The following GMDS variants were observed in gnomAD, a reference collection of about 807,000 sequenced individuals.
The protein encoded by GMDS is GDP-mannose 4,6-dehydratase.
A neutral mutation model predicts 49.9 loss-of-function variants in GMDS; 20 were observed. The ratio of observed to expected loss-of-function variants is 0.40; its 90% CI spans 0.28 to 0.58. The LOEUF (loss-of-function observed/expected upper bound fraction) is 0.58, where lower values mean the gene tolerates loss of function less well. GMDS is among the 20% of genes least tolerant of loss of function. The pLI, the probability that GMDS is intolerant of heterozygous loss-of-function variation, is 0.42. For synonymous variants in GMDS, 177 were observed against 178.6 expected (o/e 0.99, Z 0.07); for missense variants, 362 against 481.4 (o/e 0.75, Z 2.32).
chr6:2,066,854 A>C (rs569250533), intron 4 of GMDS, among the ~76,000 whole-genome samples: 4,403 of 151,846 alleles, frequency 0.029, 206 homozygotes, highest in African/African-American at 0.1. Flanking sequence ...AGACAGATCA[A>C]CGAGACAGAA....
chr6:2,175,614 C>T (rs1483800242), intron 1 of GMDS, among the ~76,000 whole-genome samples: 1 of 152,152 alleles, frequency 6.6e-6, no homozygotes, highest in Non-Finnish European at 1.5e-5. Flanking sequence ...TTTAACTTTC[C>T]AGTCATGCTC....
intron 4 of GMDS, among the ~76,000 whole-genome samples, chr6:2,017,023 AAGC>A (rs1767944961): frequency 6.6e-6 from 1 of 152,178 alleles, no homozygotes; most frequent in Non-Finnish European, 1.5e-5. Flanking sequence ...ATCCCCAAGT[AAGC>A]AGAAGAAAAG....
chr6:1,927,982 G>A (rs540712301), intron 7 of GMDS, among the ~76,000 whole-genome samples: 5 of 152,200 alleles, frequency 3.3e-5, no homozygotes, highest in African/African-American at 1.2e-4. Context: ...TTAGATTTCC[G>A]AATCCTTTTT....
At chr6:2,179,311 A>G (rs1370915774) in intron 1 of GMDS, among the ~76,000 whole-genome samples, 3 of 152,302 alleles carry the variant, frequency 2.0e-5, no homozygotes, top group Non-Finnish European at 1.5e-5. Flanking sequence ...CAAAAAAAAA[A>G]TATTTTAGGG....
intron 4 of GMDS, among the ~76,000 whole-genome samples, chr6:1,992,601 T>C (rs1395742077): frequency 5.9e-5 from 9 of 152,230 alleles, no homozygotes. Flanking sequence ...ACTCAAATGT[T>C]GCCTTCCACA....
intron 7 of GMDS, among the ~76,000 whole-genome samples, chr6:1,837,226 T>C (rs1322778250): frequency 6.6e-6 from 1 of 152,220 alleles, no homozygotes; most frequent in Non-Finnish European, 1.5e-5. Flanking sequence ...CTTAAATGTT[T>C]ATTATAATTG....
intron 6 of GMDS, chr6:1,951,962 G>A (rs1027525768): frequency 1.0e-6 from 1 of 983,390 alleles, no homozygotes; most frequent in African/African-American, 1.7e-5. Flanking sequence ...GTGTCACAGG[G>A]GTTTCTTTGC....
chr6:1,784,390 CAAAAAAAAAAAAAA>C (rs780517217), intron 7 of GMDS, among the ~76,000 whole-genome samples: 2 of 40,494 alleles, frequency 4.9e-5, no homozygotes, highest in East Asian at 5.8e-4. Flanking sequence ...AGACTCGTCT[CAAAAAAAAAAAAAA>C]AAAAAAAAAA....
At chr6:2,201,885 T>G (rs556483842) in intron 1 of GMDS, among the ~76,000 whole-genome samples, 25 of 121,640 alleles carry the variant, frequency 2.1e-4, no homozygotes, top group African/African-American at 8.0e-4. Flanking sequence ...ATCTAGGCAG[T>G]GAGGGCAGCA....
chr6:1,751,043 C>T (rs1255295331), intron 7 of GMDS, among the ~76,000 whole-genome samples: 1 of 152,212 alleles, frequency 6.6e-6, no homozygotes, highest in Non-Finnish European at 1.5e-5. Context: ...CTGGGCAGAG[C>T]ATTTCTGAAA....
intron 4 of GMDS, among the ~76,000 whole-genome samples, chr6:1,971,801 T>C (rs1764628526): frequency 6.6e-6 from 1 of 152,242 alleles, no homozygotes; most frequent in East Asian, 1.9e-4. Flanking sequence ...TTTTGTCATG[T>C]GTTTACATTT....
At chr6:2,204,169 G>A (rs985661202) in intron 1 of GMDS, among the ~76,000 whole-genome samples, 1 of 152,158 alleles carries the variant, frequency 6.6e-6, no homozygotes, top group African/African-American at 2.4e-5. Context: ...CACCACAGCT[G>A]TGGGCTGGTC....
Position 1,728,407 on chromosome 6 carries a change from G to A in GMDS, c.891-1895C>T, listed in dbSNP as rs867607605. 2.0e-5 allele frequency among the ~76,000 whole-genome samples: 3 copies of A among 152,144 alleles called. No homozygotes were observed. The East Asian group carries it at 5.8e-4, about 29-fold the overall frequency. On this transcript the variant is annotated intron_variant, in intron 8 of 10. Transcript: ENST00000380815. ...AGAAACAAGTTCAGCAGATACTTGC[G>A]TGATAGTACCTCCAACCAAGTCAAA...
intron 7 of GMDS, among the ~76,000 whole-genome samples, chr6:1,769,252 C>T (rs527533460): frequency 1.2e-4 from 19 of 152,336 alleles, no homozygotes; most frequent in Admixed American, 2.0e-4. Context: ...CTCCCAGAAG[C>T]AACCAGTGTA....
chr6:2,218,329 A>G (rs988738025), intron 1 of GMDS, among the ~76,000 whole-genome samples: 14 of 152,246 alleles, frequency 9.2e-5, no homozygotes, highest in Non-Finnish European at 1.3e-4. Context: ...GTAAACAGCA[A>G]AAAGGAACCC....
At position 2,020,575 on chromosome 6, in the gene GMDS, T is replaced by C. The variant is rs1446453020; in HGVS notation, c.346-59609A>G. The stretch of plus-strand genomic sequence containing the variant: ...TACAGATAATACATTTTGCATGCTT[T>C]AATACATCATGAGAAAACACTACAA... On this transcript the variant is annotated intron_variant, in intron 4 of 10. Transcript: ENST00000380815. 2.6e-5 allele frequency among the ~76,000 whole-genome samples: 4 copies of C among 152,272 alleles called. No individual in the cohort carries two copies. In the East Asian group the frequency reaches 7.7e-4, roughly 29 times the overall value.
At chr6:1,664,440 G>A (rs755637263) in intron 9 of GMDS, among the ~76,000 whole-genome samples, 13 of 152,164 alleles carry the variant, frequency 8.5e-5, no homozygotes, top group African/African-American at 1.9e-4. Flanking sequence ...ATGGGAGACC[G>A]TGAGTATTCT....
intron 1 of GMDS, among the ~76,000 whole-genome samples, chr6:2,243,284 C>T (rs1026608943): frequency 6.6e-6 from 1 of 152,200 alleles, no homozygotes; most frequent in Non-Finnish European, 1.5e-5. Context: ...TGGGGGCCCA[C>T]TTCCATACCT....
At chr6:2,203,708 A>G (rs1779658351) in intron 1 of GMDS, among the ~76,000 whole-genome samples, 1 of 152,250 alleles carries the variant, frequency 6.6e-6, no homozygotes, top group Middle Eastern at 3.2e-3. Context: ...TACCAAAGAA[A>G]TATAAGTAGT....
Sources: gnomAD v4.1 joint callset for allele counts (sites outside exome capture counted in the v4.1 genomes callset) on GRCh38, gnomAD v4.1.1 for gene constraint, MANE v1.5 for transcripts, NCBI Gene and HGNC (gene_info 2026-07-23, HGNC 2026-07-21) for gene names.